IGF2BP3: variants seen among roughly 807,000 people sequenced by gnomAD.
The protein encoded by IGF2BP3 is insulin like growth factor 2 mRNA binding protein 3.
Under a neutral mutation model 73.8 loss-of-function variants are expected in IGF2BP3, and 9 were observed. The observed-to-expected ratio is 0.12, with a 90% confidence interval of 0.07 to 0.21. IGF2BP3 has a LOEUF of 0.21. Among genes scored for constraint, IGF2BP3 ranks in the 10% least tolerant of loss-of-function variants. The pLI, the probability that IGF2BP3 is intolerant of heterozygous loss-of-function variation, is 1.00. For synonymous variants in IGF2BP3, 258 were observed against 256.7 expected (o/e 1.01, Z -0.05); for missense variants, 542 against 714.0 (o/e 0.76, Z 2.75).
chr7:23,316,787 G>A, intron 12 of IGF2BP3, among the ~76,000 whole-genome samples: 1 of 151,862 alleles, frequency 6.6e-6, no homozygotes, highest in East Asian at 1.9e-4. Flanking sequence ...TAAATTTTGT[G>A]GGAGAAATCA....
intron 8 of IGF2BP3, 44 bp downstream of exon 8, chr7:23,345,896 C>T: frequency 2.5e-6 from 4 of 1,597,858 alleles, no homozygotes; most frequent in Non-Finnish European, 3.4e-6. Flanking sequence ...ATGCAGCTTA[C>T]AGTGTTGGAA....
intron 12 of IGF2BP3, among the ~76,000 whole-genome samples, chr7:23,316,481 A>T (rs960391486): frequency 1.3e-5 from 2 of 151,980 alleles, no homozygotes; most frequent in African/African-American, 2.4e-5. Context: ...CAGGAGTTTG[A>T]GTGTGTGGCC....
intron 10 of IGF2BP3, among the ~76,000 whole-genome samples, chr7:23,326,608 A>C (rs1282719740): frequency 6.6e-6 from 1 of 151,694 alleles, no homozygotes; most frequent in Non-Finnish European, 1.5e-5. Flanking sequence ...CTATAAAGAC[A>C]CATGCACACG....
intron 3 of IGF2BP3, among the ~76,000 whole-genome samples, chr7:23,378,691 A>G (rs1454360090): frequency 6.8e-6 from 1 of 147,216 alleles, no homozygotes; most frequent in Non-Finnish European, 1.5e-5. Context: ...CTCCTGCCTC[A>G]GCCTCCCGAG....
chr7:23,430,933 C>T (rs1787657568), intron 2 of IGF2BP3, among the ~76,000 whole-genome samples: 1 of 152,114 alleles, frequency 6.6e-6, no homozygotes, highest in Non-Finnish European at 1.5e-5. Flanking sequence ...AGAATGAAAT[C>T]TCATGGAGAT....
intron 3 of IGF2BP3, among the ~76,000 whole-genome samples, chr7:23,388,968 C>T (rs1265473359): frequency 2.6e-5 from 4 of 152,050 alleles, no homozygotes. Flanking sequence ...AGGGAATAGG[C>T]TCTTGACTCA....
At chr7:23,458,976 TGG>T (rs939509464) in intron 2 of IGF2BP3, among the ~76,000 whole-genome samples, 13 of 152,200 alleles carry the variant, frequency 8.5e-5, no homozygotes, top group African/African-American at 3.1e-4. Flanking sequence ...CAGGTGGCAA[TGG>T]GTTCCCATGA....
intron 3 of IGF2BP3, among the ~76,000 whole-genome samples, chr7:23,377,428 C>T (rs764567850): frequency 4.6e-5 from 7 of 152,146 alleles, no homozygotes; most frequent in Admixed American, 1.3e-4. Flanking sequence ...AGTGACTTAT[C>T]GCTTCACACC....
At chr7:23,456,969 A>T (rs1387660603) in intron 2 of IGF2BP3, among the ~76,000 whole-genome samples, 3 of 152,156 alleles carry the variant, frequency 2.0e-5, no homozygotes, top group Admixed American at 6.5e-5. Flanking sequence ...GAATCCCTTG[A>T]AACCGGGAGG....
At chr7:23,441,399 C>T (rs1349974468) in intron 2 of IGF2BP3, among the ~76,000 whole-genome samples, 1 of 151,568 alleles carries the variant, frequency 6.6e-6, no homozygotes, top group African/African-American at 2.4e-5. Context: ...ATGGTGAAAC[C>T]CCATCTCTAC....
intron 3 of IGF2BP3, among the ~76,000 whole-genome samples, chr7:23,399,571 C>A (rs764968128): frequency 6.6e-6 from 1 of 152,056 alleles, no homozygotes; most frequent in Non-Finnish European, 1.5e-5. Flanking sequence ...ATTTCAGACT[C>A]CTGGCTTCTA....
intron 2 of IGF2BP3, among the ~76,000 whole-genome samples, chr7:23,449,393 T>C (rs13233381): frequency 0.17 from 25,490 of 151,652 alleles, 2,432 homozygotes; most frequent in South Asian, 0.27. Context: ...GGTGGGCGTC[T>C]GTAGTTCCAG....
At chr7:23,388,427 A>T (rs886714596) in intron 3 of IGF2BP3, among the ~76,000 whole-genome samples, 24 of 152,154 alleles carry the variant, frequency 1.6e-4, no homozygotes. Context: ...TTTCATACGC[A>T]TATGGAAGTG....
At chr7:23,446,005 ACAAG>A (rs1562757728) in intron 2 of IGF2BP3, among the ~76,000 whole-genome samples, 1 of 152,212 alleles carries the variant, frequency 6.6e-6, no homozygotes, top group African/African-American at 2.4e-5. Flanking sequence ...AAAATGAAGC[ACAAG>A]CAAAGATTTC....
intron 3 of IGF2BP3, among the ~76,000 whole-genome samples, chr7:23,406,251 G>A (rs1786827084): frequency 6.6e-6 from 1 of 152,266 alleles, no homozygotes; most frequent in South Asian, 2.1e-4. Context: ...CATGTATACA[G>A]TTACAGGAAG....
intron 10 of IGF2BP3, among the ~76,000 whole-genome samples, chr7:23,340,387 T>C (rs139132881): frequency 0.012 from 1,864 of 152,054 alleles, 41 homozygotes; most frequent in African/African-American, 0.043. Flanking sequence ...CCCCAATCAG[T>C]TTGGTGGGTT....
Position 23,469,883 on chromosome 7 carries a change from C to T in IGF2BP3, c.175+53G>A. 4.6e-6 allele frequency: 6 copies of T among 1,291,384 alleles called. No individual in the cohort carries two copies. Among genetic ancestry groups the T allele is most frequent in the South Asian group, 2.4e-5 (1 of 42,246 alleles). The allele number at this position is 1,291,384 out of a possible 1,614,324, so 80.0% of individuals were successfully genotyped here. A position where few individuals can be genotyped will look rare whatever the true frequency, so the allele number is the denominator to read the frequency against. ...CGCGGAGCCACCCGGTGGGCCTGGG[C>T]GGGCGGTGCAGGGCTGGGGCGAGAG... On this transcript the variant is annotated intron_variant, in intron 1 of 14. Transcript: ENST00000258729. This position sits in a 1 kb window ranked among gnomAD's most constrained non-coding sequence, Gnocchi z 6.1.
intron 2 of IGF2BP3, among the ~76,000 whole-genome samples, chr7:23,428,639 TGA>T (rs1288213449): frequency 6.6e-6 from 1 of 150,608 alleles, no homozygotes; most frequent in Admixed American, 6.6e-5. Flanking sequence ...CCCACGAAGT[TGA>T]GAGGCTACAG....
intron 2 of IGF2BP3, among the ~76,000 whole-genome samples, chr7:23,440,345 A>G (rs1464937535): frequency 4.0e-5 from 6 of 151,858 alleles, no homozygotes; most frequent in Non-Finnish European, 8.8e-5. Flanking sequence ...CCAAGACAGG[A>G]GAATCACTTC....
Sources: gnomAD v4.1 joint callset for allele counts (sites outside exome capture counted in the v4.1 genomes callset) on GRCh38, gnomAD v4.1.1 for gene constraint, Gnocchi (gnomAD v3.1) non-coding constraint, MANE v1.5 for transcripts, NCBI Gene and HGNC (gene_info 2026-07-23, HGNC 2026-07-21) for gene names.